The following GPATCH2L variants were observed in gnomAD, a reference collection of about 807,000 sequenced individuals.
GPATCH2L encodes G-patch domain containing 2 like.
GPATCH2L carries 31 observed loss-of-function variants against 57.4 expected under a neutral mutation model. The ratio of observed to expected loss-of-function variants is 0.54; its 90% CI spans 0.41 to 0.73. The LOEUF (loss-of-function observed/expected upper bound fraction) is 0.73. Among genes scored for constraint, GPATCH2L ranks in the 30% least tolerant of loss-of-function variants. The pLI, the probability that GPATCH2L is intolerant of heterozygous loss-of-function variation, is 0.00. For missense variants in GPATCH2L, 481 were observed against 599.9 expected, an observed-to-expected ratio of 0.80 and a Z score of 2.07; for synonymous variants, 199 against 210.7, an observed-to-expected ratio of 0.94 and a Z score of 0.48.
At chr14:76,162,848 A>G (rs2139597478) in intron 2 of GPATCH2L, among the ~76,000 whole-genome samples, 1 of 152,294 alleles carries the variant, frequency 6.6e-6, no homozygotes, top group Non-Finnish European at 1.5e-5. Context: ...GTGAGTTTAT[A>G]ATTAGTTTTC....
intron 9 of GPATCH2L, among the ~76,000 whole-genome samples, chr14:76,197,595 A>T (rs6574279): frequency 0.79 from 119,571 of 152,064 alleles, 47,621 homozygotes; most frequent in South Asian, 0.88. Context: ...CCTGAGTCTG[A>T]GCCATCAGTC....
intron 8 of GPATCH2L, among the ~76,000 whole-genome samples, chr14:76,193,264 G>A (rs1213572829): frequency 1.3e-5 from 2 of 151,808 alleles, no homozygotes; most frequent in Admixed American, 1.3e-4. Flanking sequence ...GAAAGTGTGA[G>A]ATAAGTAGTA....
chr14:76,229,437 A>G (rs190059758), intron 1 of GPATCH2L, among the ~76,000 whole-genome samples: 1 of 152,332 alleles, frequency 6.6e-6, no homozygotes, highest in Admixed American at 6.5e-5. Flanking sequence ...GCTGGCTCCT[A>G]TAATTGCTCA....
chr14:76,176,375 C>G (rs1594946071), intron 5 of GPATCH2L: 1 of 514,054 alleles, frequency 1.9e-6, no homozygotes, highest in East Asian at 3.3e-5. Context: ...ATATGGTGAA[C>G]AGTGTCTATG....
At chr14:76,232,736 T>TTG (rs1566830498) in intron 2 of GPATCH2L, among the ~76,000 whole-genome samples, 4 of 151,954 alleles carry the variant, frequency 2.6e-5, no homozygotes, top group Admixed American at 6.5e-5. Context: ...GTTTCCAGTT[T>TTG]TCCTTTACCC....
Position 76,201,842 on chromosome 14 carries a change from A to C in GPATCH2L, c.1440A>C (p.Gly480=). 1 of 1,613,840 alleles carries C rather than the reference A, an allele frequency of 6.2e-7. No individual in the cohort carries two copies. Among genetic ancestry groups the C allele is most frequent in the Non-Finnish European group, 8.5e-7 (1 of 1,179,842 alleles). Reference sequence around the variant, plus strand: ...AAATGCCACAAGAAAAGAGCCCTGGATACAGCTAGAGAGCAGGACTTCACC... The same window carrying C: ...AAATGCCACAAGAAAAGAGCCCTGGCTACAGCTAGAGAGCAGGACTTCACC... ...FFKMPQEKSP[G]YS Residue 480 remains glycine, a synonymous_variant, in exon 10 of 10, where the codon GGA becomes GGC. Coordinates refer to ENST00000261530, the MANE Select transcript of GPATCH2L (RefSeq NM_017926.4).
chr14:76,173,762 C>A, intron 5 of GPATCH2L, 137 bp downstream of exon 5: 13 of 620,692 alleles, frequency 2.1e-5, no homozygotes, highest in East Asian at 2.7e-5. Flanking sequence ...TGGGAGTTTA[C>A]AAGAGTGAAC....
intron 8 of GPATCH2L, among the ~76,000 whole-genome samples, chr14:76,195,164 A>T (rs2040107909): frequency 6.6e-6 from 1 of 152,094 alleles, no homozygotes. Context: ...ATACGTAAAG[A>T]TTTTTATTTT....
At chr14:76,196,319 A>T in intron 9 of GPATCH2L, 1 of 590,262 alleles carries the variant, frequency 1.7e-6, no homozygotes, top group Non-Finnish European at 3.0e-6. Context: ...AGGGTTATTT[A>T]CTTTCTTATT....
chr14:76,201,434 C>T (rs2040307620), intron 9 of GPATCH2L, among the ~76,000 whole-genome samples: 1 of 152,146 alleles, frequency 6.6e-6, no homozygotes, highest in South Asian at 2.1e-4. Flanking sequence ...ATTTTTACTA[C>T]ATTATGAATG....
intron 3 of GPATCH2L, among the ~76,000 whole-genome samples, chr14:76,167,377 C>T (rs995236654): frequency 6.6e-6 from 1 of 152,078 alleles, no homozygotes; most frequent in South Asian, 2.1e-4. Context: ...TTTATGTAGC[C>T]TTTTTGGACT....
At chr14:76,221,905 T>C (rs1433203972) in intron 1 of GPATCH2L, among the ~76,000 whole-genome samples, 1 of 152,176 alleles carries the variant, frequency 6.6e-6, no homozygotes, top group Non-Finnish European at 1.5e-5. Flanking sequence ...ATAAATGCCA[T>C]TATACATTTA....
intron 1 of GPATCH2L, among the ~76,000 whole-genome samples, chr14:76,228,821 G>A (rs994875357): frequency 1.3e-5 from 2 of 152,122 alleles, no homozygotes; most frequent in Non-Finnish European, 2.9e-5. Context: ...GTTATCCTAG[G>A]ATGAAATATC....
Position 76,206,246 on chromosome 14 carries a change from A to G in GPATCH2L, c.*4395A>G, listed in dbSNP as rs1595003514. The G allele has an allele frequency of 6.6e-6, 1 of 152,356 alleles. No homozygotes were observed. The highest frequency in any genetic ancestry group is 2.4e-5 in the African/African-American group (1 of 41,568). 9.4% of individuals were successfully genotyped at this position (152,356 alleles called of 1,614,324 possible). A position where few individuals can be genotyped will look rare whatever the true frequency, so the allele number is the denominator to read the frequency against. ...TGGTACAGAGGGAAAGGGTGAGGAA[A>G]ATGGTGAGTTCCATCACTCAGAACT... On this transcript the variant is annotated 3_prime_UTR_variant, in exon 10 of 10. Transcript: ENST00000261530.
At chr14:76,215,772 G>T (rs1395867807), downstream of GPATCH2L, among the ~76,000 whole-genome samples, 20 of 117,496 alleles carry the variant, frequency 1.7e-4, no homozygotes, top group African/African-American at 5.1e-4. Context: ...GTGGTGGGGT[G>T]GGGGGAGGGG....
chr14:76,156,902 A>G (rs921360645), intron 2 of GPATCH2L, among the ~76,000 whole-genome samples: 1 of 152,218 alleles, frequency 6.6e-6, no homozygotes, highest in African/African-American at 2.4e-5. Flanking sequence ...CATCTATTGC[A>G]CATTCTAGTC....
intron 1 of GPATCH2L, among the ~76,000 whole-genome samples, chr14:76,221,310 A>G (rs1233317568): frequency 2.0e-5 from 3 of 152,218 alleles, no homozygotes; most frequent in African/African-American, 4.8e-5. Flanking sequence ...TGACATACCT[A>G]TTACAATGGT....
chr14:76,214,616 G>T (rs186820640), downstream of GPATCH2L, among the ~76,000 whole-genome samples: 1 of 152,034 alleles, frequency 6.6e-6, no homozygotes, highest in African/African-American at 2.4e-5. Flanking sequence ...AGCTCTCTGG[G>T]GTCTCTTTTA....
chr14:76,154,878 A>T lies in GPATCH2L; in HGVS notation c.515A>T (p.Lys172Met). The change falls in exon 2 of 10, where the codon AAG (lysine) becomes ATG (methionine). Residue 172 changes from lysine to methionine, a missense_variant. Transcript: ENST00000261530. The surrounding 1 kb of genome is among the most constrained non-coding windows in gnomAD (Gnocchi z 4.4). The stretch of plus-strand genomic sequence containing the variant: ...AAGAAGCAGCGTCTGTCCCGCTGGA[A>T]GGAGAATACTCCCTGGACCTCATCA... ...SAKKQRLSRW[K>M]ENTPWTSSGH... 6.2e-7 allele frequency: 1 copy of T among 1,614,238 alleles called. No individual in the cohort carries two copies. The highest frequency in any genetic ancestry group is 8.5e-7 in the Non-Finnish European group (1 of 1,180,034).
Sources: allele counts gnomAD v4.1 joint callset (sites outside exome capture counted in the v4.1 genomes callset), GRCh38; gene constraint gnomAD v4.1.1; non-coding constraint Gnocchi (gnomAD v3.1); transcripts MANE v1.5; gene names NCBI Gene and HGNC (gene_info 2026-07-23, HGNC 2026-07-21).